The following CNTN4 variants were observed in gnomAD, a reference collection of about 807,000 sequenced individuals.
CNTN4 encodes contactin 4.
A neutral mutation model predicts 122.5 loss-of-function variants in CNTN4; 77 were observed. The ratio of observed to expected loss-of-function variants is 0.63; its 90% CI spans 0.52 to 0.76. The LOEUF is 0.76. Ranked by LOEUF, CNTN4 falls within the 30% of genes least tolerant of loss-of-function variation. The probability of loss-of-function intolerance (pLI) is 0.00; values close to 1 mark genes in which losing one functional copy is unlikely to be tolerated. For synonymous variants in CNTN4, 512 were observed against 447.0 expected, an observed-to-expected ratio of 1.15 and a Z score of -1.83; for missense variants, 1,256 against 1,259.1, an observed-to-expected ratio of 1.00 and a Z score of 0.04.
intron 7 of CNTN4, among the ~76,000 whole-genome samples, chr3:2,836,092 T>C (rs1336085188): frequency 2.0e-5 from 3 of 152,106 alleles, no homozygotes; most frequent in Non-Finnish European, 2.9e-5. Flanking sequence ...CAGACAACTC[T>C]ATGATCATTT....
At chr3:2,289,746 G>C (rs1169331802) in intron 2 of CNTN4, among the ~76,000 whole-genome samples, 2 of 152,080 alleles carry the variant, frequency 1.3e-5, no homozygotes, top group Admixed American at 6.6e-5. Flanking sequence ...CAATTTAGAG[G>C]CTTCTTGCAA....
chr3:2,313,436 A>G (rs1452994456), intron 2 of CNTN4, among the ~76,000 whole-genome samples: 1 of 152,098 alleles, frequency 6.6e-6, no homozygotes, highest in Non-Finnish European at 1.5e-5. Context: ...GTGTGCTGTC[A>G]TCTTAATGGA....
intron 2 of CNTN4, among the ~76,000 whole-genome samples, chr3:2,144,672 G>C (rs1011002131): frequency 2.6e-5 from 4 of 152,146 alleles, no homozygotes; most frequent in Admixed American, 6.6e-5. Context: ...ACATCCTAAT[G>C]TTAATAATGA....
chr3:2,566,690 A>G (rs936102989), intron 3 of CNTN4, among the ~76,000 whole-genome samples: 1 of 152,224 alleles, frequency 6.6e-6, no homozygotes, highest in Non-Finnish European at 1.5e-5. Context: ...GGACCTTCAC[A>G]GCACACTTGT....
chr3:2,710,288 G>C (rs929195541), intron 4 of CNTN4, among the ~76,000 whole-genome samples: 1 of 152,184 alleles, frequency 6.6e-6, no homozygotes, highest in Admixed American at 6.5e-5. Context: ...GCACTTCACA[G>C]GTTGCCTATC....
chr3:2,533,992 A>G (rs1159494856), intron 3 of CNTN4, among the ~76,000 whole-genome samples: 1 of 150,528 alleles, frequency 6.6e-6, no homozygotes, highest in Non-Finnish European at 1.5e-5. Flanking sequence ...TTCTTTGTAG[A>G]TTCTGGATAT....
intron 6 of CNTN4, among the ~76,000 whole-genome samples, chr3:2,768,700 C>G (rs2090962644): frequency 6.6e-6 from 1 of 152,120 alleles, no homozygotes; most frequent in Non-Finnish European, 1.5e-5. Flanking sequence ...TCACTTTCTC[C>G]TTAATAATCC....
chr3:2,571,267 A>G, intron 3 of CNTN4, 149 bp from the exon 4 acceptor site: 1 of 576,256 alleles, frequency 1.7e-6, no homozygotes, highest in East Asian at 3.0e-5. Flanking sequence ...TATTAGCTTT[A>G]TATTCATAAT....
intron 16 of CNTN4, 82 bp from the exon 17 acceptor site, chr3:3,034,550 A>C: frequency 7.3e-7 from 1 of 1,371,076 alleles, no homozygotes. Flanking sequence ...TGAATGGGTC[A>C]ATGCCCCATT....
At chr3:2,495,829 T>C (rs1437169729) in intron 3 of CNTN4, among the ~76,000 whole-genome samples, 1 of 152,196 alleles carries the variant, frequency 6.6e-6, no homozygotes, top group Admixed American at 6.5e-5. Flanking sequence ...TGGGGACCAC[T>C]GGTTGAAAAC....
At chr3:2,191,231 A>G (rs540234796) in intron 2 of CNTN4, among the ~76,000 whole-genome samples, 16 of 149,124 alleles carry the variant, frequency 1.1e-4, no homozygotes, top group Admixed American at 1.1e-3. Flanking sequence ...ACCATGCCCA[A>G]CTTATAATGT....
chr3:2,489,304 G>A (rs907230040), intron 3 of CNTN4, among the ~76,000 whole-genome samples: 1 of 152,020 alleles, frequency 6.6e-6, no homozygotes, highest in African/African-American at 2.4e-5. Flanking sequence ...GGCTTCCCAG[G>A]CCTCACCAAG....
At chr3:3,050,305 A>G (rs1420097343) in intron 23 of CNTN4, among the ~76,000 whole-genome samples, 3 of 152,130 alleles carry the variant, frequency 2.0e-5, no homozygotes, top group Non-Finnish European at 2.9e-5. Flanking sequence ...AAATAACACT[A>G]TGACAGCCAA....
Position 3,048,520 on chromosome 3 carries a change from G to C in CNTN4, c.2811+4816G>C, listed in dbSNP as rs879442242. 7.5e-3 allele frequency among the ~76,000 whole-genome samples: 968 copies of C among 129,286 alleles called. 19 individuals are homozygous for C. Among genetic ancestry groups the C allele is most frequent in the Admixed American group, 0.035 (480 of 13,716 alleles). The allele number at this position is 129,286 out of a possible 152,430, so 84.8% of individuals were successfully genotyped here. A position where few individuals can be genotyped will look rare whatever the true frequency, so the allele number is the denominator to read the frequency against. On this transcript the variant is annotated intron_variant, in intron 23 of 24. Transcript: ENST00000418658. ...TCTCTCTTTCTCTCTCTCTCTCTGT[G>C]TGTGTGTGTGTGTGTGTGTGTGTGT...
chr3:2,215,869 GT>G (rs1444553161), intron 2 of CNTN4, among the ~76,000 whole-genome samples: 5 of 117,594 alleles, frequency 4.3e-5, no homozygotes, highest in African/African-American at 1.8e-4. Flanking sequence ...TGTGAACAGA[GT>G]GAGCCTCTGT....
At chr3:2,633,162 A>G (rs924871294) in intron 4 of CNTN4, among the ~76,000 whole-genome samples, 2 of 152,112 alleles carry the variant, frequency 1.3e-5, no homozygotes, top group Non-Finnish European at 2.9e-5. Context: ...CCATTTGTAA[A>G]TAGGAGTCCA....
chr3:2,149,455 G>A (rs536472405), intron 2 of CNTN4, among the ~76,000 whole-genome samples: 2 of 152,222 alleles, frequency 1.3e-5, no homozygotes, highest in East Asian at 3.9e-4. Flanking sequence ...GGCCCCACTA[G>A]CTCACATTTT....
chr3:2,804,091 A>ACT (rs1553643777), intron 6 of CNTN4, among the ~76,000 whole-genome samples: 4 of 144,104 alleles, frequency 2.8e-5, no homozygotes, highest in Admixed American at 6.9e-5. Context: ...ACACACACAC[A>ACT]CACACACGTA....
At chr3:2,324,995 A>G (rs1389612727) in intron 2 of CNTN4, among the ~76,000 whole-genome samples, 1 of 152,214 alleles carries the variant, frequency 6.6e-6, no homozygotes, top group Non-Finnish European at 1.5e-5. Context: ...CTTTAAATGT[A>G]CATTCTCTTA....
Sources: allele counts gnomAD v4.1 joint callset (sites outside exome capture counted in the v4.1 genomes callset), GRCh38; gene constraint gnomAD v4.1.1; transcripts MANE v1.5; gene names NCBI Gene and HGNC (gene_info 2026-07-23, HGNC 2026-07-21).